Variants in TANC1 observed in about 807,000 individuals in gnomAD.
TANC1 encodes the protein protein TANC1.
A neutral mutation model predicts 149.7 loss-of-function variants in TANC1; 77 were observed. That is an observed-to-expected ratio of 0.51 (90% CI 0.43 to 0.62). The LOEUF is 0.62. Among genes scored for constraint, TANC1 ranks in the 20% least tolerant of loss-of-function variants. The pLI is 0.00. For missense variants in TANC1, 1,985 were observed against 2,321.8 expected, an observed-to-expected ratio of 0.85 and a Z score of 2.98; for synonymous variants, 854 against 925.0, an observed-to-expected ratio of 0.92 and a Z score of 1.39.
At chr2:159,028,142 C>T (rs138657476) in intron 2 of TANC1, among the ~76,000 whole-genome samples, 26 of 152,032 alleles carry the variant, frequency 1.7e-4, no homozygotes, top group African/African-American at 6.3e-4. Flanking sequence ...TTTCTTGATA[C>T]GGAGTCTCAC....
chr2:159,131,543 C>T (rs1042468350), intron 4 of TANC1, among the ~76,000 whole-genome samples: 5 of 146,540 alleles, frequency 3.4e-5, no homozygotes, highest in African/African-American at 1.3e-4. Flanking sequence ...CCACCCAACA[C>T]TAACCTTTCT....
intron 3 of TANC1, among the ~76,000 whole-genome samples, chr2:159,086,370 G>A (rs1438070221): frequency 6.6e-6 from 1 of 152,124 alleles, no homozygotes; most frequent in South Asian, 2.1e-4. Context: ...AGCTGATCCA[G>A]AACTTCATTG....
Position 159,109,308 on chromosome 2 carries a change from C to A in TANC1, c.259+11474C>A, listed in dbSNP as rs1433176609. ...GAGCAGGCCATAGGTGTTTCTTCCT[C>A]TGAAACATGGGGTAATAATGGGGCT... On this transcript the variant is annotated intron_variant, in intron 4 of 26. Coordinates refer to ENST00000263635, the MANE Select transcript of TANC1 (RefSeq NM_033394.3). Among the ~76,000 whole-genome samples the A allele has an allele frequency of 2.0e-5, 3 of 152,174 alleles. No individual in the cohort carries two copies. The East Asian group carries it at 5.8e-4, about 29-fold the overall frequency.
intron 2 of TANC1, among the ~76,000 whole-genome samples, chr2:159,008,706 A>G (rs186231354): frequency 7.5e-4 from 114 of 152,310 alleles, no homozygotes; most frequent in Middle Eastern, 3.4e-3. Flanking sequence ...GCATATATCA[A>G]ATAATTTCAT....
chr2:159,229,752 AGAG>A lies in TANC1; in HGVS notation c.4329_4331del (p.Glu1443del), dbSNP rs780485600. 5 of 1,613,920 alleles carry A rather than the reference AGAG, an allele frequency of 3.1e-6. No individual in the cohort carries two copies. In the Admixed American group the frequency reaches 5.0e-5, roughly 16 times the overall value. ...CTCCACTCAACGACTCCGAGAACGA[AGAG>A]GACACCCCAACCCCTGGCTTAAGTG... On this transcript the variant is annotated inframe_deletion, in exon 27 of 27. Transcript: ENST00000263635.
chr2:159,059,856 A>T (rs575622573), intron 2 of TANC1, among the ~76,000 whole-genome samples: 4 of 145,830 alleles, frequency 2.7e-5, no homozygotes, highest in South Asian at 4.3e-4. Flanking sequence ...GAGTTTCTAG[A>T]TAACAGCCAG....
rs150441415 is a variant in TANC1, at chr2:158,985,350, GA to G, written c.-125-15728del. ...CTGTCCTGTGCCACCATGGTTTTTA[GA>G]ACAAGATGTCAAAGAACAAAATTTC... is the stretch of plus-strand genomic sequence containing the variant. On this transcript the variant is annotated intron_variant, in intron 1 of 26. Coordinates refer to ENST00000263635, the MANE Select transcript of TANC1 (RefSeq NM_033394.3). Among the ~76,000 whole-genome samples, 575 of 152,308 alleles carry G rather than the reference GA, an allele frequency of 3.8e-3. 1 individual carries two copies. The highest frequency in any genetic ancestry group is 0.013 in the African/African-American group (527 of 41,566).
chr2:159,007,143 T>G (rs945525669), intron 2 of TANC1, among the ~76,000 whole-genome samples: 15 of 143,408 alleles, frequency 1.0e-4, no homozygotes, highest in African/African-American at 3.9e-4. Flanking sequence ...ATACTGTTTT[T>G]TTTTTTTTTT....
intron 4 of TANC1, among the ~76,000 whole-genome samples, chr2:159,119,583 A>G (rs1182207834): frequency 2.6e-5 from 4 of 152,210 alleles, no homozygotes; most frequent in African/African-American, 4.8e-5. Context: ...TTCGACATCA[A>G]CCTGAGCTGT....
At chr2:159,136,694 G>A (rs981799786) in intron 5 of TANC1, among the ~76,000 whole-genome samples, 6 of 146,844 alleles carry the variant, frequency 4.1e-5, no homozygotes, top group African/African-American at 1.5e-4. Context: ...GACAAAGCAT[G>A]TAATTGCTAG....
At chr2:159,086,223 T>C (rs536535128) in intron 3 of TANC1, among the ~76,000 whole-genome samples, 2 of 152,078 alleles carry the variant, frequency 1.3e-5, no homozygotes, top group African/African-American at 4.8e-5. Flanking sequence ...TGGATTTTTT[T>C]TTTTTGAGAA....
intron 2 of TANC1, among the ~76,000 whole-genome samples, chr2:159,059,888 T>TTCTGTGTGTGTGTG (rs1195029777): frequency 8.7e-6 from 1 of 114,804 alleles, no homozygotes. Context: ...GCAGACCTCT[T>TTCTGTGTGTGTGTG]TGTGTGTGTG....
chr2:159,065,245 G>T (rs1461078012), intron 2 of TANC1, among the ~76,000 whole-genome samples: 2 of 152,084 alleles, frequency 1.3e-5, no homozygotes, highest in Non-Finnish European at 2.9e-5. Context: ...GGATCTGGCC[G>T]TAGTGCCACA....
Position 159,170,585 on chromosome 2 carries a change from A to C in TANC1, c.1131A>C (p.Pro377=), listed in dbSNP as rs778481907. Residue 377 remains proline, a synonymous_variant, in exon 10 of 27, where the codon CCA becomes CCC. Transcript: ENST00000263635. The stretch of plus-strand genomic sequence containing the variant: ...TGAAACCCTTGTTGTTTGAAGTACC[A>C]AGCATAACAACAGACTCTGTGTTTG... ...ILLKPLLFEV[P]SITTDSVFVG... 6.8e-6 allele frequency: 11 copies of C among 1,614,180 alleles called. No individual in the cohort carries two copies. The East Asian group carries it at 2.5e-4, about 36-fold the overall frequency.
At chr2:159,046,475 T>C (rs1404667068) in intron 2 of TANC1, among the ~76,000 whole-genome samples, 3 of 152,136 alleles carry the variant, frequency 2.0e-5, no homozygotes, top group African/African-American at 4.8e-5. Context: ...TTGAAGCCTG[T>C]TGTCACTTGT....
intron 3 of TANC1, among the ~76,000 whole-genome samples, chr2:159,076,900 C>T (rs934984533): frequency 6.6e-6 from 1 of 151,938 alleles, no homozygotes; most frequent in East Asian, 1.9e-4. Flanking sequence ...AAACATATCT[C>T]TATGTTATAT....
At chr2:158,980,541 C>A (rs2034177324) in intron 1 of TANC1, among the ~76,000 whole-genome samples, 1 of 152,030 alleles carries the variant, frequency 6.6e-6, no homozygotes, top group Admixed American at 6.5e-5. Flanking sequence ...CTTTGGGAGG[C>A]CGAAGTGGGC....
At chr2:159,136,005 TGTGTG>T (rs1559325648) in intron 4 of TANC1, among the ~76,000 whole-genome samples, 184 bp from the exon 5 acceptor site, 2 of 34,190 alleles carry the variant, frequency 5.8e-5, no homozygotes, top group African/African-American at 2.2e-4. Context: ...TGAAATTTTG[TGTGTG>T]TGTGTGTGTG....
At chr2:159,070,418 T>TATC (rs1553537007) in intron 3 of TANC1, among the ~76,000 whole-genome samples, 15 of 152,214 alleles carry the variant, frequency 9.9e-5, no homozygotes, top group Admixed American at 9.8e-4. Flanking sequence ...GACACATTAT[T>TATC]ATCACCCAAA....
Sources: allele counts gnomAD v4.1 joint callset (sites outside exome capture counted in the v4.1 genomes callset), GRCh38; gene constraint gnomAD v4.1.1; transcripts MANE v1.5; gene names NCBI Gene and HGNC (gene_info 2026-07-23, HGNC 2026-07-21).